Variants in TRAPPC9 observed in about 807,000 individuals in gnomAD.
TRAPPC9 encodes trafficking protein particle complex subunit 9.
TRAPPC9 carries 83 observed loss-of-function variants against 124.0 expected under a neutral mutation model. That is an observed-to-expected ratio of 0.67 (90% CI 0.56 to 0.80). TRAPPC9 has a LOEUF of 0.80. Among genes scored for constraint, TRAPPC9 ranks in the 30% least tolerant of loss-of-function variants. TRAPPC9 has a pLI of 0.00. For missense variants in TRAPPC9, 1,302 were observed against 1,508.3 expected, an observed-to-expected ratio of 0.86 and a Z score of 2.27; for synonymous variants, 638 against 617.5, an observed-to-expected ratio of 1.03 and a Z score of -0.49.
chr8:139,877,887 A>T (rs1829426832), intron 21 of TRAPPC9, among the ~76,000 whole-genome samples: 1 of 152,230 alleles, frequency 6.6e-6, no homozygotes, highest in Non-Finnish European at 1.5e-5. Flanking sequence ...ACGAGGGTGC[A>T]GCGGAGGCTG....
chr8:139,844,677 T>G (rs1161073120), intron 21 of TRAPPC9, among the ~76,000 whole-genome samples: 2 of 152,194 alleles, frequency 1.3e-5, no homozygotes, highest in Admixed American at 6.5e-5. Context: ...TCTGCTGGCA[T>G]GGACTGCTGG....
At chr8:140,183,421 T>C in intron 17 of TRAPPC9, among the ~76,000 whole-genome samples, 1 of 152,224 alleles carries the variant, frequency 6.6e-6, no homozygotes, top group East Asian at 1.9e-4. Context: ...AAGAGATGAA[T>C]GCTATTAAAA....
intron 14 of TRAPPC9, among the ~76,000 whole-genome samples, chr8:140,278,066 C>T (rs944955783): frequency 6.6e-6 from 1 of 152,038 alleles, no homozygotes; most frequent in African/African-American, 2.4e-5. Context: ...CTCTGCCCTC[C>T]CCACCCCTGC....
chr8:140,105,224 TGGC>T (rs2060642914), intron 17 of TRAPPC9, among the ~76,000 whole-genome samples: 1 of 152,222 alleles, frequency 6.6e-6, no homozygotes, highest in Non-Finnish European at 1.5e-5. Context: ...TCAAGGGAAA[TGGC>T]GACTGTGCTC....
intron 1 of TRAPPC9, among the ~76,000 whole-genome samples, chr8:140,456,180 C>A (rs772261274): frequency 6.6e-6 from 1 of 152,088 alleles, no homozygotes; most frequent in Non-Finnish European, 1.5e-5. Flanking sequence ...GAGGCCAAGG[C>A]GGGTGGATCA....
At chr8:139,887,474 T>C (rs1830088451) in intron 20 of TRAPPC9, among the ~76,000 whole-genome samples, 2 of 152,334 alleles carry the variant, frequency 1.3e-5, no homozygotes, top group South Asian at 2.1e-4. Context: ...TCTGCCCATT[T>C]TGGCCTCCCA....
intron 18 of TRAPPC9, among the ~76,000 whole-genome samples, chr8:140,008,844 T>C (rs1218942334): frequency 1.3e-5 from 2 of 152,248 alleles, no homozygotes; most frequent in Non-Finnish European, 1.5e-5. Flanking sequence ...ATTTATTTTC[T>C]AAATATCCCA....
At chr8:140,262,120 T>C (rs1159924987) in intron 15 of TRAPPC9, among the ~76,000 whole-genome samples, 3 of 152,172 alleles carry the variant, frequency 2.0e-5, no homozygotes, top group Admixed American at 2.0e-4. Context: ...ATAGCCAGGA[T>C]TCAACACTCT....
At chr8:140,450,735 C>T in intron 2 of TRAPPC9, 55 bp downstream of exon 2, 2 of 1,391,350 alleles carry the variant, frequency 1.4e-6, no homozygotes, top group Non-Finnish European at 2.0e-6. Flanking sequence ...CTGCCCTGTG[C>T]TTTCCCTTTC....
At chr8:139,898,853 C>T (rs1830832739) in intron 20 of TRAPPC9, among the ~76,000 whole-genome samples, 1 of 152,136 alleles carries the variant, frequency 6.6e-6, no homozygotes. Flanking sequence ...GGTGCAGTGG[C>T]TCATGCCTGT....
chr8:140,418,603 C>T (rs554422369), intron 5 of TRAPPC9, among the ~76,000 whole-genome samples: 12 of 152,280 alleles, frequency 7.9e-5, no homozygotes, highest in Non-Finnish European at 1.3e-4. Context: ...TGCCTGTAGT[C>T]CCAGCTACTC....
intron 19 of TRAPPC9, among the ~76,000 whole-genome samples, chr8:139,968,044 G>A (rs1835820511): frequency 6.6e-6 from 1 of 152,012 alleles, no homozygotes; most frequent in Admixed American, 6.5e-5. Flanking sequence ...AGGAGGCTGA[G>A]GCAGGGGAAT....
chr8:140,183,293 A>G (rs1198539626), intron 17 of TRAPPC9, among the ~76,000 whole-genome samples: 1 of 152,216 alleles, frequency 6.6e-6, no homozygotes, highest in Non-Finnish European at 1.5e-5. Context: ...AACTGGAACA[A>G]AACGTGTCCT....
At chr8:140,261,052 T>C (rs2064394361) in intron 15 of TRAPPC9, among the ~76,000 whole-genome samples, 1 of 152,226 alleles carries the variant, frequency 6.6e-6, no homozygotes. Flanking sequence ...TCACATGTCC[T>C]CTGTCATCCC....
rs758128656 is a variant in TRAPPC9, at chr8:140,397,741, T to C, written c.1013A>G (p.Lys338Arg). The C allele has an allele frequency of 1.1e-5, 18 of 1,614,084 alleles. No homozygotes were observed. Among genetic ancestry groups the C allele is most frequent in the Non-Finnish European group, 1.7e-6 (2 of 1,179,986 alleles). Residue 338 changes from lysine (K) to arginine (R), a missense_variant, in exon 7 of 23, where the codon AAG (lysine) becomes AGG (arginine). Transcript: ENST00000438773. ...TTCCAACTCAATCACTCCCGCATTC[T>C]TATACTGCAGGGTGTAAAGGAAATG... ...KEAISYYSKY[K>R]NAGVIELEAC...
chr8:139,982,461 A>G (rs897204125), intron 19 of TRAPPC9, among the ~76,000 whole-genome samples: 11 of 152,090 alleles, frequency 7.2e-5, no homozygotes, highest in Non-Finnish European at 1.0e-4. Flanking sequence ...CTTTCCCAAC[A>G]CTGCCCCGGG....
At chr8:140,285,747 C>T (rs2065464268) in intron 13 of TRAPPC9, among the ~76,000 whole-genome samples, 1 of 151,764 alleles carries the variant, frequency 6.6e-6, no homozygotes, top group South Asian at 2.1e-4. Flanking sequence ...TTGAATAGTT[C>T]CTAGTTAGCC....
chr8:139,770,268 G>GAC (rs1459254056), intron 21 of TRAPPC9, among the ~76,000 whole-genome samples: 1 of 152,242 alleles, frequency 6.6e-6, no homozygotes, highest in Non-Finnish European at 1.5e-5. Context: ...GCCACCTCCC[G>GAC]ACCTTGTATG....
intron 8 of TRAPPC9, among the ~76,000 whole-genome samples, chr8:140,365,533 C>A (rs2068085074): frequency 6.6e-6 from 1 of 152,224 alleles, no homozygotes; most frequent in Admixed American, 6.5e-5. Context: ...GCAAGGCATG[C>A]CCAGAAGGTC....
Sources: gnomAD v4.1 joint callset for allele counts (sites outside exome capture counted in the v4.1 genomes callset) on GRCh38, gnomAD v4.1.1 for gene constraint, MANE v1.5 for transcripts, NCBI Gene and HGNC (gene_info 2026-07-23, HGNC 2026-07-21) for gene names.